The following PNKD variants were observed in gnomAD, a reference collection of about 807,000 sequenced individuals.
The protein encoded by PNKD is PNKD metallo-beta-lactamase domain containing.
PNKD carries 36 observed loss-of-function variants against 45.3 expected under a neutral mutation model. The observed-to-expected ratio is 0.80, with a 90% CI of 0.61 to 1.05. The LOEUF (loss-of-function observed/expected upper bound fraction) is 1.05, where lower values mean the gene tolerates loss of function less well. Ranked by LOEUF, PNKD falls within the 50% of genes least tolerant of loss-of-function variation. PNKD has a pLI of 0.00. For synonymous variants in PNKD, 197 were observed against 210.1 expected (o/e 0.94, Z 0.54); for missense variants, 511 against 506.6 (o/e 1.01, Z -0.08).
In PNKD at chr2:218,278,905, C is replaced by T. The variant is rs1559502320; in HGVS notation, c.236+7356C>T. ...GGGCACGCACACCCACACCCTCTGG[C>T]ACGGGAAACTGGCACCAACTTGGGG... On this transcript the variant is annotated intron_variant, in intron 2 of 9. Coordinates refer to ENST00000273077, the MANE Select transcript of PNKD (RefSeq NM_015488.5). The T allele has an allele frequency of 2.6e-5, 26 of 1,009,558 alleles. No homozygotes were observed. In the South Asian group the frequency reaches 3.9e-4, roughly 15 times the overall value. 62.5% of individuals were successfully genotyped at this position (1,009,558 alleles called of 1,614,324 possible). A position where few individuals can be genotyped will look rare whatever the true frequency, so the allele number is the denominator to read the frequency against.
intron 2 of PNKD, among the ~76,000 whole-genome samples, chr2:218,317,131 T>TA (rs1218061203): frequency 6.6e-6 from 1 of 152,118 alleles, no homozygotes; most frequent in East Asian, 1.9e-4. Flanking sequence ...AAGTTCCAGG[T>TA]GAATCTAGGG....
chr2:218,331,192 A>G (rs1354788066), intron 2 of PNKD, among the ~76,000 whole-genome samples: 2 of 152,152 alleles, frequency 1.3e-5, no homozygotes, highest in Non-Finnish European at 2.9e-5. Context: ...AGGCAGGTGG[A>G]TCACCTGAGG....
At chr2:218,275,908 G>A (rs1451273227) in intron 2 of PNKD, 2 of 1,234,574 alleles carry the variant, frequency 1.6e-6, no homozygotes, top group East Asian at 2.5e-5. Flanking sequence ...GTAGTGAGAG[G>A]AATGGCCTGC....
chr2:218,275,165 A>C (rs1384414019), intron 2 of PNKD: 1 of 245,198 alleles, frequency 4.1e-6, no homozygotes, highest in African/African-American at 2.2e-5. Context: ...GGCTCTTTTC[A>C]TATTCCTCAC....
chr2:218,328,707 T>G (rs567023142), intron 2 of PNKD, among the ~76,000 whole-genome samples: 4 of 152,254 alleles, frequency 2.6e-5, no homozygotes, highest in African/African-American at 9.6e-5. Flanking sequence ...TCTGAATGAA[T>G]GCATGCGTGC....
At chr2:218,281,907 C>A (rs1692044425) in intron 2 of PNKD, 1 of 1,540,892 alleles carries the variant, frequency 6.5e-7, no homozygotes, top group African/African-American at 1.4e-5. Context: ...CTGTCCCTCC[C>A]ACCCACCTTC....
chr2:218,297,002 A>G (rs897752977), intron 2 of PNKD, among the ~76,000 whole-genome samples: 1 of 152,150 alleles, frequency 6.6e-6, no homozygotes, highest in Admixed American at 6.5e-5. Flanking sequence ...CAGAGGACGT[A>G]TTTACTGAAT....
At chr2:218,332,822 A>G (rs1330929663) in intron 2 of PNKD, among the ~76,000 whole-genome samples, 1 of 151,986 alleles carries the variant, frequency 6.6e-6, no homozygotes, top group African/African-American at 2.4e-5. Flanking sequence ...TGTTCTAACA[A>G]CCACCAGCCA....
chr2:218,275,734 A>C, intron 2 of PNKD: 1 of 1,285,374 alleles, frequency 7.8e-7, no homozygotes, highest in Non-Finnish European at 1.1e-6. Flanking sequence ...TTAGGGCCAC[A>C]TTAACGCACA....
In PNKD at chr2:218,306,671, C is replaced by T. The variant is rs151262340; in HGVS notation, c.237-33112C>T. ...AAGTCTAGCACACAACCCCCAAACCCGATTCCACTCCCTCCCCGACAGTTC... is the reference window on the plus strand; with the variant it reads ...AAGTCTAGCACACAACCCCCAAACCTGATTCCACTCCCTCCCCGACAGTTC... On this transcript the variant is annotated intron_variant, in intron 2 of 9. Coordinates refer to ENST00000273077, the MANE Select transcript of PNKD (RefSeq NM_015488.5). 1.8e-3 allele frequency among the ~76,000 whole-genome samples: 274 copies of T among 152,308 alleles called. 1 individual carries two copies. Among genetic ancestry groups the T allele is most frequent in the African/African-American group, 6.3e-3 (262 of 41,558 alleles).
At chr2:218,343,088 C>T (rs1466809362) in intron 7 of PNKD, among the ~76,000 whole-genome samples, 1 of 151,854 alleles carries the variant, frequency 6.6e-6, no homozygotes, top group East Asian at 1.9e-4. Flanking sequence ...CAGTGACTGG[C>T]AGGACTAGGT....
At chr2:218,298,176 C>A (rs994928921) in intron 2 of PNKD, among the ~76,000 whole-genome samples, 1 of 152,132 alleles carries the variant, frequency 6.6e-6, no homozygotes, top group Non-Finnish European at 1.5e-5. Flanking sequence ...GGAAGCCAGG[C>A]CACGGAACCA....
chr2:218,278,498 A>T (rs1691497540), intron 2 of PNKD: 1 of 1,613,426 alleles, frequency 6.2e-7, no homozygotes, highest in South Asian at 1.1e-5. Flanking sequence ...TCACTGTGTT[A>T]AGTCTCTGGG....
In PNKD at chr2:218,281,985, A is replaced by G. The variant is rs772756751; in HGVS notation, c.236+10436A>G. The G allele has an allele frequency of 3.7e-6, 6 of 1,606,628 alleles. No individual in the cohort carries two copies. The South Asian group carries it at 5.6e-5, about 15-fold the overall frequency. ...TGGGTGGGGGGCATGGGCTGTGGGT[A>G]GCCAGCAGGGTGACCGTAGCCAGGC... is the stretch of plus-strand genomic sequence containing the variant. On this transcript the variant is annotated intron_variant, in intron 2 of 9. Coordinates refer to ENST00000273077, the MANE Select transcript of PNKD (RefSeq NM_015488.5).
At chr2:218,314,222 C>T (rs1402014385) in intron 2 of PNKD, among the ~76,000 whole-genome samples, 27 of 67,718 alleles carry the variant, frequency 4.0e-4, no homozygotes, top group Admixed American at 9.0e-4. Context: ...CGCGCCCTGG[C>T]TTTTTTTTTT....
chr2:218,280,596 G>A (rs550378985), intron 2 of PNKD: 5 of 215,280 alleles, frequency 2.3e-5, no homozygotes, highest in Non-Finnish European at 3.8e-5. Flanking sequence ...AAGGGTGTGC[G>A]TGACTGTGCA....
At chr2:218,309,895 A>G (rs1002704556) in intron 2 of PNKD, among the ~76,000 whole-genome samples, 14 of 151,612 alleles carry the variant, frequency 9.2e-5, no homozygotes, top group Non-Finnish European at 2.1e-4. Context: ...AGATCGCGAC[A>G]TTGCACTCCA....
At chr2:218,335,688 A>C (rs946531268) in intron 2 of PNKD, among the ~76,000 whole-genome samples, 1 of 152,212 alleles carries the variant, frequency 6.6e-6, no homozygotes, top group Non-Finnish European at 1.5e-5. Context: ...CATAAAGACA[A>C]ATAAAGGTTG....
rs892925752 is a variant in PNKD, at chr2:218,333,731, G to A, written c.237-6052G>A. Among the ~76,000 whole-genome samples the A allele has an allele frequency of 5.9e-5, 9 of 152,242 alleles. No individual in the cohort carries two copies. In the East Asian group the frequency reaches 9.6e-4, roughly 16 times the overall value. ...TGTTCTTTCCATAAGCCCATGTAGC[G>A]AGAAATGAAGACAGGAATGGGACTC... On this transcript the variant is annotated intron_variant, in intron 2 of 9. Transcript: ENST00000273077.
Sources: gnomAD v4.1 joint callset for allele counts (sites outside exome capture counted in the v4.1 genomes callset) on GRCh38, gnomAD v4.1.1 for gene constraint, MANE v1.5 for transcripts, NCBI Gene and HGNC (gene_info 2026-07-23, HGNC 2026-07-21) for gene names.